The following KCNK2 variants were observed in gnomAD, a reference collection of about 807,000 sequenced individuals.
KCNK2 encodes the protein potassium two pore domain channel subfamily K member 2.
Under a neutral mutation model 40.5 loss-of-function variants are expected in KCNK2, and 21 were observed. The observed-to-expected ratio is 0.52, with a 90% confidence interval of 0.37 to 0.75. KCNK2 has a LOEUF of 0.75. Among genes scored for constraint, KCNK2 ranks in the 30% least tolerant of loss-of-function variants. KCNK2 has a pLI of 0.00. For synonymous variants in KCNK2, 191 were observed against 202.2 expected (o/e 0.94, Z 0.47); for missense variants, 399 against 531.6 (o/e 0.75, Z 2.45).
intron 2 of KCNK2, among the ~76,000 whole-genome samples, chr1:215,096,601 AAGGT>A (rs1659986767): frequency 6.6e-6 from 1 of 151,950 alleles, no homozygotes. Flanking sequence ...CTGTTGGGGC[AAGGT>A]AGGGTGGATC....
chr1:215,232,413 A>G (rs1343469087), intron 6 of KCNK2, among the ~76,000 whole-genome samples: 7 of 152,222 alleles, frequency 4.6e-5, no homozygotes, highest in Non-Finnish European at 7.3e-5. Context: ...AGAAAGTAAG[A>G]TTAGTGTCTA....
At chr1:215,212,396 C>T (rs1167180006) in intron 6 of KCNK2, among the ~76,000 whole-genome samples, 1 of 151,978 alleles carries the variant, frequency 6.6e-6, no homozygotes, top group East Asian at 1.9e-4. Context: ...TGTAAAATGA[C>T]AAATTTGCTG....
At position 215,083,446 on chromosome 1, in the gene KCNK2, C is replaced by G. The variant is rs761577134; in HGVS notation, c.46+15C>G. On this transcript the variant is annotated intron_variant, in intron 1 of 6. Coordinates refer to ENST00000444842, the MANE Select transcript of KCNK2 (RefSeq NM_001017425.3). ...TAGAGCAGGAGGTGAGACCCCCCCT[C>G]CGGTACCCCCACCCCTCTGGCCGCA... 4 of 1,590,260 alleles carry G rather than the reference C, an allele frequency of 2.5e-6. No homozygotes were observed. The South Asian group carries it at 3.3e-5, about 13-fold the overall frequency.
chr1:215,229,946 C>T (rs1056597698), intron 6 of KCNK2, among the ~76,000 whole-genome samples: 1 of 151,068 alleles, frequency 6.6e-6, no homozygotes, highest in Non-Finnish European at 1.5e-5. Flanking sequence ...TCATCTTCAC[C>T]TATTATCATA....
chr1:215,023,574 C>A (rs548169605), intron 1 of KCNK2, among the ~76,000 whole-genome samples: 1 of 152,270 alleles, frequency 6.6e-6, no homozygotes, highest in East Asian at 1.9e-4. Flanking sequence ...AGTCAGTGAG[C>A]CCGACCATGT....
intron 3 of KCNK2, among the ~76,000 whole-genome samples, chr1:215,131,194 A>T (rs1428524119): frequency 1.3e-5 from 2 of 151,566 alleles, no homozygotes; most frequent in Non-Finnish European, 2.9e-5. Context: ...TTTTAATCTT[A>T]TCAGTTAAAC....
chr1:215,209,461 T>TATATATTATATATATA (rs1665509334), intron 6 of KCNK2, among the ~76,000 whole-genome samples: 1 of 2,234 alleles, frequency 4.5e-4, no homozygotes, highest in Non-Finnish European at 1.5e-3. Flanking sequence ...TATTATATAT[T>TATATATTATATATATA]ATATATAATA....
chr1:215,136,549 C>G (rs1430702916), intron 3 of KCNK2, among the ~76,000 whole-genome samples: 2 of 152,086 alleles, frequency 1.3e-5, no homozygotes, highest in African/African-American at 4.8e-5. Context: ...TGTGACAATT[C>G]CCATATCATG....
chr1:215,024,263 G>GAA (rs1656919860), intron 1 of KCNK2, among the ~76,000 whole-genome samples: 2 of 152,178 alleles, frequency 1.3e-5, no homozygotes, highest in Non-Finnish European at 2.9e-5. Flanking sequence ...ATCTTTGAAT[G>GAA]GGGCCAGTAT....
In KCNK2 at chr1:215,169,350, T is replaced by C. The variant is rs146530740; in HGVS notation, c.627T>C (p.Asp209=). 81 of 1,609,674 alleles carry C rather than the reference T, an allele frequency of 5.0e-5. No homozygotes were observed. The highest frequency in any genetic ancestry group is 6.5e-5 in the Non-Finnish European group (76 of 1,177,346). The stretch of plus-strand genomic sequence containing the variant: ...GAAAAGGAATTGCCAAAGTGGAAGA[T>C]ACGTTTATTGTGAGTATGATAGATA... The part of the protein sequence containing the change: ...IFGKGIAKVE[D]TFIKWNVSQT... The change falls in exon 4 of 7, where the codon GAT becomes GAC. Residue 209 remains aspartate (D), a synonymous_variant. Transcript: ENST00000444842.
intron 1 of KCNK2, among the ~76,000 whole-genome samples, chr1:215,044,795 A>ACG (rs1553257249): frequency 0.28 from 40,110 of 145,472 alleles, 6,625 homozygotes; most frequent in South Asian, 0.57. Flanking sequence ...GGATAAGTGT[A>ACG]TGTGTGTGTG....
chr1:215,122,282 C>A (rs1386435038), intron 2 of KCNK2, among the ~76,000 whole-genome samples: 5 of 151,922 alleles, frequency 3.3e-5, no homozygotes, highest in African/African-American at 7.3e-5. Flanking sequence ...AAGTATTCAA[C>A]ATATTTCAAT....
At chr1:215,090,288 A>G (rs1262403272) in intron 2 of KCNK2, among the ~76,000 whole-genome samples, 3 of 152,200 alleles carry the variant, frequency 2.0e-5, no homozygotes, top group Non-Finnish European at 2.9e-5. Context: ...TTTACCTTAT[A>G]GGGAAACTGA....
intron 3 of KCNK2, among the ~76,000 whole-genome samples, chr1:215,136,251 A>C (rs754825387): frequency 6.6e-6 from 1 of 151,864 alleles, no homozygotes; most frequent in East Asian, 1.9e-4. Flanking sequence ...GTGTGCCACC[A>C]TGTCCAGCTA....
At chr1:215,037,543 G>T (rs183662784) in intron 1 of KCNK2, among the ~76,000 whole-genome samples, 2 of 151,946 alleles carry the variant, frequency 1.3e-5, no homozygotes, top group African/African-American at 4.8e-5. Flanking sequence ...GACCTCATAC[G>T]TTAAATGTTA....
intron 2 of KCNK2, among the ~76,000 whole-genome samples, chr1:215,095,439 G>T (rs1659936424): frequency 2.0e-5 from 3 of 152,068 alleles, no homozygotes; most frequent in Non-Finnish European, 4.4e-5. Flanking sequence ...GCTTTGTTAG[G>T]AAACAGAAAG....
intron 6 of KCNK2, among the ~76,000 whole-genome samples, chr1:215,231,107 G>A (rs1365493755): frequency 6.6e-6 from 1 of 152,212 alleles, no homozygotes; most frequent in Non-Finnish European, 1.5e-5. Flanking sequence ...AACTTCTCGA[G>A]AAAATTCAGT....
chr1:215,016,237 T>C (rs560108601), intron 1 of KCNK2, among the ~76,000 whole-genome samples: 1 of 152,094 alleles, frequency 6.6e-6, no homozygotes, highest in African/African-American at 2.4e-5. Context: ...ATTCAGAGCA[T>C]GAAGCATACG....
intron 1 of KCNK2, among the ~76,000 whole-genome samples, chr1:215,009,787 C>T (rs902870099): frequency 6.6e-6 from 1 of 151,950 alleles, no homozygotes; most frequent in Non-Finnish European, 1.5e-5. Context: ...GAGTACAGAC[C>T]CAATTAGGTG....
Sources: gnomAD v4.1 joint callset for allele counts (sites outside exome capture counted in the v4.1 genomes callset) on GRCh38, gnomAD v4.1.1 for gene constraint, MANE v1.5 for transcripts, NCBI Gene and HGNC (gene_info 2026-07-23, HGNC 2026-07-21) for gene names.